Variants in FRMD4A observed in about 807,000 individuals in gnomAD.
FRMD4A encodes FERM domain-containing protein 4A.
Under a neutral mutation model 129.1 loss-of-function variants are expected in FRMD4A, and 29 were observed. The observed-to-expected ratio is 0.22, with a 90% CI of 0.17 to 0.31. The LOEUF is 0.31. Ranked by LOEUF, FRMD4A falls within the 10% of genes least tolerant of loss-of-function variation. The probability of loss-of-function intolerance (pLI) is 1.00; values close to 1 mark genes in which losing one functional copy is unlikely to be tolerated. For synonymous variants in FRMD4A, 634 were observed against 571.6 expected, an observed-to-expected ratio of 1.11 and a Z score of -1.56; for missense variants, 1,272 against 1,375.8, an observed-to-expected ratio of 0.92 and a Z score of 1.19.
At chr10:13,682,263 T>C (rs2084664291) in intron 15 of FRMD4A, among the ~76,000 whole-genome samples, 1 of 151,572 alleles carries the variant, frequency 6.6e-6, no homozygotes, top group Non-Finnish European at 1.5e-5. Context: ...TTACTAGGAG[T>C]CTGCACCCCA....
At chr10:14,097,995 TAG>T (rs1246861366) in intron 2 of FRMD4A, among the ~76,000 whole-genome samples, 14 of 141,824 alleles carry the variant, frequency 9.9e-5, no homozygotes, top group East Asian at 3.9e-4. Flanking sequence ...ATATAAATTA[TAG>T]ATTATATATA....
intron 2 of FRMD4A, among the ~76,000 whole-genome samples, chr10:14,181,393 GAAGA>G (rs1440224520): frequency 6.6e-6 from 1 of 152,202 alleles, no homozygotes; most frequent in African/African-American, 2.4e-5. Flanking sequence ...TGTTTGCTCA[GAAGA>G]CCTCTGGGAG....
intron 2 of FRMD4A, among the ~76,000 whole-genome samples, chr10:14,327,154 C>T (rs1843311059): frequency 6.6e-6 from 1 of 152,212 alleles, no homozygotes; most frequent in South Asian, 2.1e-4. Flanking sequence ...AAGTCATTGG[C>T]TTTTGTCCAA....
intron 2 of FRMD4A, among the ~76,000 whole-genome samples, chr10:14,182,966 G>C (rs982189516): frequency 1.3e-5 from 2 of 152,166 alleles, no homozygotes; most frequent in African/African-American, 4.8e-5. Flanking sequence ...TGACCATCTG[G>C]AGGAGGTTAG....
intron 2 of FRMD4A, among the ~76,000 whole-genome samples, chr10:14,027,669 C>T (rs1382251815): frequency 1.3e-5 from 2 of 152,154 alleles, no homozygotes; most frequent in Non-Finnish European, 2.9e-5. Flanking sequence ...AGTGCATTGG[C>T]TTCTCTTAGA....
chr10:13,783,507 C>G (rs1378493960), intron 5 of FRMD4A, among the ~76,000 whole-genome samples: 1 of 151,178 alleles, frequency 6.6e-6, no homozygotes, highest in Non-Finnish European at 1.5e-5. Context: ...GCCTCAGCTT[C>G]CTGAGCAGCT....
chr10:13,988,682 GTC>G (rs1214238193), intron 2 of FRMD4A, among the ~76,000 whole-genome samples: 1 of 152,114 alleles, frequency 6.6e-6, no homozygotes, highest in African/African-American at 2.4e-5. Context: ...AGATAGATAG[GTC>G]TCTATAGTTG....
intron 2 of FRMD4A, among the ~76,000 whole-genome samples, chr10:13,938,086 CT>C (rs2095262578): frequency 6.6e-6 from 1 of 152,194 alleles, no homozygotes. Context: ...TTATTTGCCC[CT>C]AAACCACCAC....
chr10:13,853,800 C>T (rs75475778), intron 3 of FRMD4A, among the ~76,000 whole-genome samples: 1,377 of 132,262 alleles, frequency 0.01, 54 homozygotes, highest in Admixed American at 0.076. Flanking sequence ...CCACTGCACT[C>T]TAGCCTGGGC....
chr10:14,052,684 G>A (rs1039558689), intron 2 of FRMD4A, among the ~76,000 whole-genome samples: 17 of 151,940 alleles, frequency 1.1e-4, no homozygotes, highest in African/African-American at 2.2e-4. Flanking sequence ...TCAGCCTCCC[G>A]AGTAGCTGGG....
intron 2 of FRMD4A, among the ~76,000 whole-genome samples, chr10:14,018,839 G>T (rs1832601550): frequency 6.6e-6 from 1 of 152,154 alleles, no homozygotes; most frequent in South Asian, 2.1e-4. Context: ...ATAATGAGTA[G>T]CTCGGGGCAT....
At chr10:13,913,609 G>T (rs565192357) in intron 2 of FRMD4A, among the ~76,000 whole-genome samples, 6 of 152,072 alleles carry the variant, frequency 3.9e-5, no homozygotes, top group African/African-American at 1.4e-4. Flanking sequence ...CACGTGATCC[G>T]CCTTCATTCA....
intron 2 of FRMD4A, among the ~76,000 whole-genome samples, chr10:13,929,519 A>G (rs1020385780): frequency 2.0e-5 from 3 of 152,164 alleles, no homozygotes. Context: ...ACTTATGAAG[A>G]TAAGAACCAA....
At chr10:13,706,983 C>T in intron 13 of FRMD4A, 54 bp downstream of exon 13, 1 of 913,830 alleles carries the variant, frequency 1.1e-6, no homozygotes, top group East Asian at 2.4e-5. Context: ...ATATCCATAA[C>T]ACGCCCGGCC....
chr10:14,127,418 T>C (rs1838905548), intron 2 of FRMD4A, among the ~76,000 whole-genome samples: 1 of 152,118 alleles, frequency 6.6e-6, no homozygotes, highest in Non-Finnish European at 1.5e-5. Context: ...TCCTGCGAGG[T>C]AGACAGGAGG....
intron 2 of FRMD4A, among the ~76,000 whole-genome samples, chr10:14,299,388 C>T (rs1279564541): frequency 6.6e-6 from 1 of 152,116 alleles, no homozygotes; most frequent in Non-Finnish European, 1.5e-5. Context: ...GGAGGGAAAG[C>T]TTGCTGCCAC....
intron 2 of FRMD4A, among the ~76,000 whole-genome samples, chr10:14,309,765 A>C (rs542978509): frequency 6.6e-6 from 1 of 152,142 alleles, no homozygotes; most frequent in Non-Finnish European, 1.5e-5. Context: ...CTAACTGATC[A>C]GCCCACGACC....
chr10:13,897,195 C>T (rs566286184), intron 2 of FRMD4A, among the ~76,000 whole-genome samples: 16 of 152,260 alleles, frequency 1.1e-4, no homozygotes, highest in African/African-American at 2.4e-4. Flanking sequence ...TAATACTTTT[C>T]GAGACTCTTT....
intron 2 of FRMD4A, among the ~76,000 whole-genome samples, chr10:14,081,673 G>T (rs1444712149): frequency 6.6e-6 from 1 of 152,144 alleles, no homozygotes; most frequent in East Asian, 1.9e-4. Flanking sequence ...CTTTTATCAT[G>T]CAAAGCTCTG....
Sources: allele counts gnomAD v4.1 joint callset (sites outside exome capture counted in the v4.1 genomes callset), GRCh38; gene constraint gnomAD v4.1.1; transcripts MANE v1.5; gene names NCBI Gene and HGNC (gene_info 2026-07-23, HGNC 2026-07-21).